Variants in EIF2S1 observed in about 807,000 individuals in gnomAD.
The protein encoded by EIF2S1 is eukaryotic translation initiation factor 2 subunit 1.
In EIF2S1, 5 loss-of-function variants were observed where a neutral mutation model predicts 33.5. The ratio of observed to expected loss-of-function variants is 0.15; its 90% confidence interval spans 0.08 to 0.31. EIF2S1 has a LOEUF of 0.31. Among genes scored for constraint, EIF2S1 ranks in the 10% least tolerant of loss-of-function variants. The pLI is 1.00. For synonymous variants in EIF2S1, 99 were observed against 127.5 expected (o/e 0.78, Z 1.51); for missense variants, 191 against 384.6 (o/e 0.50, Z 4.21).
chr14:67,379,764 C>T (rs1448851177), intron 4 of EIF2S1, among the ~76,000 whole-genome samples: 1 of 142,942 alleles, frequency 7.0e-6, no homozygotes, highest in Admixed American at 7.1e-5. Flanking sequence ...ACACCATTCT[C>T]CTGCCTCAGC....
At chr14:67,368,443 C>G (rs1231066485) in intron 2 of EIF2S1, among the ~76,000 whole-genome samples, 1 of 151,828 alleles carries the variant, frequency 6.6e-6, no homozygotes, top group Non-Finnish European at 1.5e-5. Flanking sequence ...ATGTCAGAGC[C>G]TCAAGAATAC....
In EIF2S1 at chr14:67,376,534, T is replaced by C. The variant is rs143711003; in HGVS notation, c.417T>C (p.Asp139=). ...SLFQRTAWVF[D]DKYKRPGYGA... ...TCCAGAGGACTGCCTGGGTCTTTGA[T>C]GACAAGTACAAGAGACCTGGATATG... Residue 139 remains aspartate (D), a synonymous_variant, in exon 4 of 8, where the codon GAT becomes GAC. Transcript: ENST00000256383. 1.2e-6 allele frequency: 2 copies of C among 1,614,132 alleles called. No individual in the cohort carries two copies. The highest frequency in any genetic ancestry group is 1.7e-6 in the Non-Finnish European group (2 of 1,180,014).
At chr14:67,370,507 A>G (rs1331042327) in intron 2 of EIF2S1, among the ~76,000 whole-genome samples, 1 of 152,204 alleles carries the variant, frequency 6.6e-6, no homozygotes, top group South Asian at 2.1e-4. Flanking sequence ...ACAAATTACC[A>G]ATCTGGAATG....
chr14:67,376,291 T>A, intron 3 of EIF2S1, 148 bp from the exon 4 acceptor site: 1 of 762,594 alleles, frequency 1.3e-6, no homozygotes, highest in Non-Finnish European at 2.0e-6. Flanking sequence ...CTCTACTTTT[T>A]ATACCCACTT....
Position 67,383,525 on chromosome 14 carries a change from T to A in EIF2S1, c.*85T>A. The A allele has an allele frequency of 6.4e-7, 1 of 1,555,392 alleles. No homozygotes were observed. The highest frequency in any genetic ancestry group is 8.8e-7 in the Non-Finnish European group (1 of 1,140,296). ...CCTAGACTTGAAAGTTTTCCAGTAT[T>A]GAAAACTTCAAAGCTGAATATTTTT... On this transcript the variant is annotated 3_prime_UTR_variant, in exon 8 of 8. Coordinates refer to ENST00000256383, the MANE Select transcript of EIF2S1 (RefSeq NM_004094.5).
At chr14:67,368,993 T>C (rs2085800225) in intron 2 of EIF2S1, among the ~76,000 whole-genome samples, 1 of 151,950 alleles carries the variant, frequency 6.6e-6, no homozygotes, top group Non-Finnish European at 1.5e-5. Flanking sequence ...AGAAAACAAA[T>C]ACCTAAAATG....
rs1417338402 is a variant in EIF2S1 at position 67,385,668 on chromosome 14, T to C, written c.*2228T>C. ...TCAAACCACTTTTTTCTTTTTTTTT[T>C]TTTTTTTTTGGCAAATGGTGTTATA... is the stretch of plus-strand genomic sequence containing the variant. On this transcript the variant is annotated 3_prime_UTR_variant, in exon 8 of 8. Transcript: ENST00000256383. 3 of 149,922 alleles carry C rather than the reference T, an allele frequency of 2.0e-5. No individual in the cohort carries two copies. Among genetic ancestry groups the C allele is most frequent in the Non-Finnish European group, 3.0e-5 (2 of 67,328 alleles). The allele number at this position is 149,922 out of a possible 1,614,324, so 9.3% of individuals were successfully genotyped here.
At chr14:67,365,693 C>G (rs1415610954) in intron 2 of EIF2S1, among the ~76,000 whole-genome samples, 1 of 152,078 alleles carries the variant, frequency 6.6e-6, no homozygotes, top group Non-Finnish European at 1.5e-5. Context: ...AGCCATCTTA[C>G]TATAATTTGT....
At chr14:67,371,343 C>T (rs1302636366) in intron 2 of EIF2S1, among the ~76,000 whole-genome samples, 1 of 151,784 alleles carries the variant, frequency 6.6e-6, no homozygotes, top group Non-Finnish European at 1.5e-5. Flanking sequence ...CGGCTTGAGC[C>T]CAGGAGTTTG....
chr14:67,361,046 C>T (rs2085734437), intron 1 of EIF2S1, among the ~76,000 whole-genome samples: 1 of 152,122 alleles, frequency 6.6e-6, no homozygotes, highest in African/African-American at 2.4e-5. Context: ...CTGTTACTAT[C>T]AGTTTGTCGT....
intron 1 of EIF2S1, 185 bp downstream of exon 1, chr14:67,360,641 A>G: frequency 6.2e-6 from 1 of 160,484 alleles, no homozygotes; most frequent in Non-Finnish European, 1.4e-5. Flanking sequence ...CGTGTAGGTC[A>G]TCCTGTGTTC....
chr14:67,374,255 C>T (rs2141140349), intron 2 of EIF2S1, among the ~76,000 whole-genome samples: 1 of 152,240 alleles, frequency 6.6e-6, no homozygotes, highest in Admixed American at 6.5e-5. Context: ...TGCAAATATT[C>T]CAAAATCTGA....
chr14:67,364,516 T>C (rs2085761619), intron 1 of EIF2S1: 1 of 374,112 alleles, frequency 2.7e-6, no homozygotes, highest in African/African-American at 2.1e-5. Context: ...TTTTTTATGA[T>C]TCCTCTGAAA....
chr14:67,380,995 C>CT (rs1341492842), intron 5 of EIF2S1, among the ~76,000 whole-genome samples: 2 of 152,002 alleles, frequency 1.3e-5, no homozygotes, highest in Admixed American at 1.3e-4. Context: ...AAAGGTAGCC[C>CT]TTTTTTTAAA....
chr14:67,362,032 CT>C (rs1233736237), intron 1 of EIF2S1, among the ~76,000 whole-genome samples: 28 of 91,400 alleles, frequency 3.1e-4, no homozygotes, highest in East Asian at 6.6e-4. Context: ...TTTCTTTTTT[CT>C]TTTTTTTTTT....
At chr14:67,377,250 A>G (rs2085861616) in intron 4 of EIF2S1, among the ~76,000 whole-genome samples, 1 of 152,092 alleles carries the variant, frequency 6.6e-6, no homozygotes. Flanking sequence ...GCCTTGGATC[A>G]ATGTTCCTGC....
At chr14:67,365,044 A>G (rs891782501) in intron 2 of EIF2S1, 36 bp downstream of exon 2, 2 of 1,538,962 alleles carry the variant, frequency 1.3e-6, no homozygotes, top group Non-Finnish European at 1.7e-6. Context: ...TAAATTTCAG[A>G]TTTAAAATGG....
rs1379342196 is a variant in EIF2S1 at position 67,362,070 on chromosome 14, G to A, written c.-2+1614G>A. ...AGACAGAGTCTCTGTTGCCCAGGCTGGAGTGTAGTGGCACGATCTCAGCTC... is the reference window on the plus strand; with the variant it reads ...AGACAGAGTCTCTGTTGCCCAGGCTAGAGTGTAGTGGCACGATCTCAGCTC... On this transcript the variant is annotated intron_variant, in intron 1 of 7. Coordinates refer to ENST00000256383, the MANE Select transcript of EIF2S1 (RefSeq NM_004094.5). 2.1e-5 allele frequency among the ~76,000 whole-genome samples: 3 copies of A among 145,818 alleles called. No homozygotes were observed. The Admixed American group carries it at 2.1e-4, about 10-fold the overall frequency.
intron 3 of EIF2S1, chr14:67,374,767 G>A (rs982143509): frequency 2.0e-5 from 7 of 358,844 alleles, no homozygotes; most frequent in Non-Finnish European, 2.5e-5. Flanking sequence ...AAAATACGGG[G>A]TTTTTTTGTT....
Sources: allele counts gnomAD v4.1 joint callset (sites outside exome capture counted in the v4.1 genomes callset), GRCh38; gene constraint gnomAD v4.1.1; transcripts MANE v1.5; gene names NCBI Gene and HGNC (gene_info 2026-07-23, HGNC 2026-07-21).